ANXA4: variants seen among roughly 807,000 people sequenced by gnomAD.
ANXA4 encodes the protein 35-beta calcimedin.
In ANXA4, 39 loss-of-function variants were observed where a neutral mutation model predicts 49.8. That is an observed-to-expected ratio of 0.78 (90% CI 0.61 to 1.02). ANXA4 has a LOEUF of 1.02. Among genes scored for constraint, ANXA4 ranks in the 50% least tolerant of loss-of-function variants. The pLI, the probability that ANXA4 is intolerant of heterozygous loss-of-function variation, is 0.00. For synonymous variants in ANXA4, 134 were observed against 152.5 expected (o/e 0.88, Z 0.89); for missense variants, 360 against 410.1 (o/e 0.88, Z 1.05).
chr2:69,786,422 C>T (rs1672419087), intron 2 of ANXA4, among the ~76,000 whole-genome samples: 1 of 152,150 alleles, frequency 6.6e-6, no homozygotes, highest in Non-Finnish European at 1.5e-5. Flanking sequence ...CTCTCTACAG[C>T]AGCCCAGGGG....
chr2:69,716,565 C>T (rs182658523), intron 2 of ANXA4, among the ~76,000 whole-genome samples: 97 of 152,074 alleles, frequency 6.4e-4, no homozygotes, highest in Non-Finnish European at 1.2e-3. Flanking sequence ...TATGTGAGGG[C>T]GACAGGGAGC....
At chr2:69,789,659 G>A (rs1324317945) in intron 3 of ANXA4, among the ~76,000 whole-genome samples, 1 of 152,114 alleles carries the variant, frequency 6.6e-6, no homozygotes, top group Admixed American at 6.6e-5. Flanking sequence ...TTATAAATGG[G>A]CTACTGAGGA....
In ANXA4 at chr2:69,771,194, G is replaced by A. The variant is rs191798760; in HGVS notation, c.-46-10326G>A. On this transcript the variant is annotated intron_variant, in intron 1 of 12. Coordinates refer to ENST00000394295, the MANE Select transcript of ANXA4 (RefSeq NM_001153.5). Reference sequence around the variant, plus strand: ...ATTTGTAGACAGGTTGATTTGGGAAGCCAAACTCTAGCCTAAAAGGTGCTT... The same window carrying A: ...ATTTGTAGACAGGTTGATTTGGGAAACCAAACTCTAGCCTAAAAGGTGCTT... 4.7e-3 allele frequency among the ~76,000 whole-genome samples: 717 copies of A among 151,726 alleles called. 3 individuals carry two copies. The highest frequency in any genetic ancestry group is 7.7e-3 in the Non-Finnish European group (524 of 67,924).
chr2:69,723,776 C>G (rs531162133), intron 3 of ANXA4, among the ~76,000 whole-genome samples: 1 of 152,316 alleles, frequency 6.6e-6, no homozygotes, highest in East Asian at 1.9e-4. Context: ...TCTCAAACTC[C>G]TGGGCTCAAG....
At chr2:69,799,856 T>C (rs1298125716) in intron 3 of ANXA4, among the ~76,000 whole-genome samples, 1 of 152,222 alleles carries the variant, frequency 6.6e-6, no homozygotes, top group African/African-American at 2.4e-5. Context: ...CCAAAAAGAA[T>C]TCATTTTACT....
chr2:69,752,718 C>T (rs1193231455), intron 1 of ANXA4, among the ~76,000 whole-genome samples: 1 of 152,248 alleles, frequency 6.6e-6, no homozygotes, highest in African/African-American at 2.4e-5. Flanking sequence ...CTGCTGAGCA[C>T]ATACTCGGCC....
intron 1 of ANXA4, among the ~76,000 whole-genome samples, chr2:69,647,724 T>A (rs112078154): frequency 3.6e-4 from 33 of 91,766 alleles, no homozygotes; most frequent in Middle Eastern, 6.4e-3. Context: ...TTAAAAAAAA[T>A]AATTATATAA....
At chr2:69,737,475 T>G (rs1288354137), upstream of ANXA4, among the ~76,000 whole-genome samples, 1 of 152,244 alleles carries the variant, frequency 6.6e-6, no homozygotes, top group Non-Finnish European at 1.5e-5. Context: ...CTTCTGTCTA[T>G]GCATTCTAGG....
upstream of ANXA4, among the ~76,000 whole-genome samples, chr2:69,740,792 C>A (rs1391611034): frequency 1.4e-5 from 2 of 147,724 alleles, no homozygotes; most frequent in East Asian, 4.1e-4. Context: ...GGTGTTTATC[C>A]CACCTCATCC....
intron 2 of ANXA4, among the ~76,000 whole-genome samples, chr2:69,656,041 G>A (rs1179939293): frequency 6.6e-6 from 1 of 151,888 alleles, no homozygotes; most frequent in African/African-American, 2.4e-5. Context: ...AGGGAGCTAA[G>A]GGAGGGATAG....
chr2:69,803,924 G>A (rs1031649644), intron 3 of ANXA4, among the ~76,000 whole-genome samples: 2 of 152,074 alleles, frequency 1.3e-5, no homozygotes, highest in Non-Finnish European at 2.9e-5. Flanking sequence ...GATCATTTGA[G>A]GTCAGGAGCT....
chr2:69,691,025 C>T (rs1021461869), intron 2 of ANXA4, among the ~76,000 whole-genome samples: 1 of 152,048 alleles, frequency 6.6e-6, no homozygotes, highest in African/African-American at 2.4e-5. Flanking sequence ...TCTTTCTTTC[C>T]TTTTAATATT....
rs199742479 is a variant in ANXA4, at chr2:69,820,732, G to C, written c.817G>C (p.Val273Leu). 22 of 1,614,126 alleles carry C rather than the reference G, an allele frequency of 1.4e-5. No homozygotes were observed. In the Admixed American group the frequency reaches 2.2e-4, roughly 16 times the overall value. Residue 273 changes from valine to leucine, a missense_variant, in exon 12 of 13, where the codon GTG becomes CTG. Coordinates refer to ENST00000394295, the MANE Select transcript of ANXA4 (RefSeq NM_001153.5). The stretch of plus-strand genomic sequence containing the variant: ...CACCGATGATAACACCCTCATCAGA[G>C]TGATGGTTTCTCGAGCAGAAATTGA... ...LGTDDNTLIR[V>L]MVSRAEIDML...
At chr2:69,649,062 T>G (rs1488192718) in intron 1 of ANXA4, among the ~76,000 whole-genome samples, 1 of 151,790 alleles carries the variant, frequency 6.6e-6, no homozygotes, top group African/African-American at 2.4e-5. Context: ...AATTTTGCAT[T>G]TTTAGTAGAG....
chr2:69,756,567 T>C (rs1671045245), intron 1 of ANXA4, among the ~76,000 whole-genome samples: 1 of 152,216 alleles, frequency 6.6e-6, no homozygotes, highest in Non-Finnish European at 1.5e-5. Context: ...AAAAAGCTTT[T>C]ATTATGAACA....
At chr2:69,746,570 GT>G (rs1237379501) in intron 1 of ANXA4, among the ~76,000 whole-genome samples, 1 of 152,132 alleles carries the variant, frequency 6.6e-6, no homozygotes, top group Non-Finnish European at 1.5e-5. Context: ...TTAGTGTTTG[GT>G]TTTGTTTGAA....
At chr2:69,738,984 C>T (rs1227189871), upstream of ANXA4, among the ~76,000 whole-genome samples, 1 of 152,162 alleles carries the variant, frequency 6.6e-6, no homozygotes, top group African/African-American at 2.4e-5. Context: ...TTTAGGCAGC[C>T]TTAGATAACC....
chr2:69,812,782 T>C (rs371943367), intron 8 of ANXA4, 73 bp downstream of exon 8: 249 of 1,272,206 alleles, frequency 2.0e-4, no homozygotes, highest in Non-Finnish European at 2.7e-4. Context: ...AGTGGGTGGA[T>C]AGCAACTTAT....
chr2:69,775,296 A>G (rs1671920789), intron 1 of ANXA4, among the ~76,000 whole-genome samples: 1 of 152,072 alleles, frequency 6.6e-6, no homozygotes, highest in South Asian at 2.1e-4. Flanking sequence ...ACTCTCTTTT[A>G]ATTTTATTTT....
Sources: gnomAD v4.1 joint callset for allele counts (sites outside exome capture counted in the v4.1 genomes callset) on GRCh38, gnomAD v4.1.1 for gene constraint, MANE v1.5 for transcripts, NCBI Gene and HGNC (gene_info 2026-07-23, HGNC 2026-07-21) for gene names.